The following COL18A1 variants were observed in gnomAD, a reference collection of about 807,000 sequenced individuals.
COL18A1 encodes the protein collagen type XVIII alpha 1 chain.
A neutral mutation model predicts 168.0 loss-of-function variants in COL18A1; 133 were observed. That is an observed-to-expected ratio of 0.79 (90% CI 0.69 to 0.91). The LOEUF (loss-of-function observed/expected upper bound fraction) is 0.91. Among genes scored for constraint, COL18A1 ranks in the 40% least tolerant of loss-of-function variants. COL18A1 has a pLI of 0.00. For synonymous variants in COL18A1, 949 were observed against 809.0 expected (o/e 1.17, Z -2.94); for missense variants, 2,126 against 1,925.4 (o/e 1.10, Z -1.95).
intron 2 of COL18A1, chr21:45,424,626 A>C (rs1483668906): frequency 6.6e-6 from 1 of 152,176 alleles, no homozygotes; most frequent in Non-Finnish European, 1.5e-5. Context: ...GCAGCCTCCA[A>C]TCCCTGGTCA....
chr21:45,433,004 A>G (rs557120806), intron 2 of COL18A1, among the ~76,000 whole-genome samples: 3 of 152,376 alleles, frequency 2.0e-5, no homozygotes, highest in South Asian at 4.1e-4. Context: ...TAGAATAAGT[A>G]TGAGAAACCC....
intron 4 of COL18A1, among the ~76,000 whole-genome samples, chr21:45,475,011 CAG>C (rs957742133): frequency 7.2e-5 from 11 of 152,312 alleles, no homozygotes; most frequent in African/African-American, 2.6e-4. Flanking sequence ...GTCTTGCCCT[CAG>C]GGGTCAGTAG....
rs2230688 is a variant in COL18A1 at position 45,476,398 on chromosome 21, G to T, written c.846G>T (p.Thr282=). ...PRLPAPPPVT[T]PPLAGGSSTE... ...TCCCCGCGCCACCCCCCGTCACCAC[G>T]CCACCCTTGGCTGGAGGCAGCAGCA... Residue 282 remains threonine (T), a synonymous_variant, in exon 6 of 42, where the codon ACG becomes ACT. Coordinates refer to ENST00000651438, the MANE Select transcript of COL18A1 (RefSeq NM_001379500.1). The T allele has an allele frequency of 0.12, 195,527 of 1,613,426 alleles. 15,414 individuals carry two copies. Among genetic ancestry groups the T allele is most frequent in the African/African-American group, 0.34 (25,482 of 74,868 alleles).
chr21:45,456,685 C>T (rs746134933), intron 2 of COL18A1: 27 of 1,532,118 alleles, frequency 1.8e-5, no homozygotes, highest in African/African-American at 2.7e-5. Context: ...ACCCCTTCCT[C>T]GCCTGGTTCT....
chr21:45,428,693 G>A (rs2033873867), intron 2 of COL18A1, among the ~76,000 whole-genome samples: 1 of 152,114 alleles, frequency 6.6e-6, no homozygotes, highest in Non-Finnish European at 1.5e-5. Flanking sequence ...GGACGTTCAT[G>A]CAGGTGGTTC....
chr21:45,483,972 C>T (rs561637544), intron 15 of COL18A1, among the ~76,000 whole-genome samples: 5 of 145,910 alleles, frequency 3.4e-5, no homozygotes, highest in African/African-American at 1.3e-4. Flanking sequence ...TGCACACACA[C>T]ACCTCTCCAG....
At chr21:45,446,677 T>C (rs1048131076) in intron 2 of COL18A1, among the ~76,000 whole-genome samples, 3 of 152,196 alleles carry the variant, frequency 2.0e-5, no homozygotes, top group Admixed American at 2.0e-4. Context: ...TCTGATACCA[T>C]AATCAGACAA....
In COL18A1 at chr21:45,494,591, T is replaced by C; in HGVS notation, c.2379+20T>C. 1 of 1,613,026 alleles carries C rather than the reference T, an allele frequency of 6.2e-7. No individual in the cohort carries two copies. The highest frequency in any genetic ancestry group is 2.2e-5 in the East Asian group (1 of 44,880). ...CCCCCGGTAAGTCGGTCCCTGGCTT[T>C]CTCTGCACTGAGCTCGGGCATGACG... On this transcript the variant is annotated intron_variant, in intron 27 of 41. Coordinates refer to ENST00000651438, the MANE Select transcript of COL18A1 (RefSeq NM_001379500.1).
At chr21:45,505,492 C>T in intron 36 of COL18A1, 61 bp downstream of exon 36, 1 of 887,148 alleles carries the variant, frequency 1.1e-6, no homozygotes, top group Non-Finnish European at 1.8e-6. Context: ...TTCTGCAGCC[C>T]CTGCCCCTCA....
At chr21:45,447,592 C>A (rs2034531761) in intron 2 of COL18A1, among the ~76,000 whole-genome samples, 1 of 152,148 alleles carries the variant, frequency 6.6e-6, no homozygotes, top group Non-Finnish European at 1.5e-5. Flanking sequence ...AGAGTCCACA[C>A]AACTCCTGCC....
At chr21:45,469,034 C>T (rs1568893823) in intron 3 of COL18A1, among the ~76,000 whole-genome samples, 1 of 152,244 alleles carries the variant, frequency 6.6e-6, no homozygotes, top group Non-Finnish European at 1.5e-5. Flanking sequence ...TCTCTGGCTC[C>T]TGCGCCCCCA....
At chr21:45,491,684 G>C (rs964213768) in intron 22 of COL18A1, among the ~76,000 whole-genome samples, 1 of 152,232 alleles carries the variant, frequency 6.6e-6, no homozygotes, top group African/African-American at 2.4e-5. Context: ...CTCTGGTGAA[G>C]GTTGTGTTGG....
At position 45,473,778 on chromosome 21, in the gene COL18A1, C is replaced by T; in HGVS notation, c.652-117C>T. 1.2e-6 allele frequency: 1 copy of T among 852,048 alleles called. No homozygotes were observed. The highest frequency in any genetic ancestry group is 1.9e-6 in the Non-Finnish European group (1 of 520,790). 52.8% of individuals were successfully genotyped at this position (852,048 alleles called of 1,614,324 possible). On this transcript the variant is annotated intron_variant, in intron 3 of 41. Transcript: ENST00000651438. The surrounding 1 kb of genome is among the most constrained non-coding windows in gnomAD (Gnocchi z 4.0). ...CAGGGAGGCTGCCCGAGACCCCTTC[C>T]CTCTCCGAGACTCTCCTGCCCTTTG...
intron 2 of COL18A1, among the ~76,000 whole-genome samples, chr21:45,433,259 T>G (rs1463744349): frequency 6.6e-6 from 1 of 152,262 alleles, no homozygotes; most frequent in African/African-American, 2.4e-5. Context: ...TAGTTCAATC[T>G]TTCCACTTAC....
At chr21:45,505,776 C>A (rs892194734) in intron 36 of COL18A1, 62 bp from the exon 37 acceptor site, 9 of 1,278,060 alleles carry the variant, frequency 7.0e-6, no homozygotes, top group Non-Finnish European at 8.8e-6. Context: ...GCATTCCTTC[C>A]TTCCGCCCCT....
At chr21:45,467,474 C>T in intron 2 of COL18A1, 2 of 973,328 alleles carry the variant, frequency 2.1e-6, no homozygotes. Context: ...CGAGGGGAAT[C>T]AGCATGGGGG....
Position 45,425,314 on chromosome 21 carries a change from C to T in COL18A1, c.106+19841C>T, listed in dbSNP as rs142618296. Among the ~76,000 whole-genome samples, 8 of 152,258 alleles carry T rather than the reference C, an allele frequency of 5.3e-5. No homozygotes were observed. Among genetic ancestry groups the T allele is most frequent in the Non-Finnish European group, 1.2e-4 (8 of 68,014 alleles). On this transcript the variant is annotated intron_variant, in intron 2 of 41. Coordinates refer to ENST00000651438, the MANE Select transcript of COL18A1 (RefSeq NM_001379500.1). This position sits in a 1 kb window ranked among gnomAD's most constrained non-coding sequence, Gnocchi z 4.1. ...GTGTGCTGTGAGTGCAGTGTGACCG[C>T]GTCCACCTGTCTCCCTGGACACGCC...
chr21:45,450,480 G>GC (rs1224936610), intron 2 of COL18A1, among the ~76,000 whole-genome samples: 1 of 152,230 alleles, frequency 6.6e-6, no homozygotes, highest in Non-Finnish European at 1.5e-5. Context: ...GGGGCCTTCA[G>GC]CCCGGAAATG....
Position 45,456,195 on chromosome 21 carries a change from C to T in COL18A1, c.107-12047C>T, listed in dbSNP as rs533453650. ...TCTTCAGGTAGAGCTTCTCTCTCCT[C>T]CTTGCTGGGCGGGGCCCCTCCCTGG... On this transcript the variant is annotated intron_variant, in intron 2 of 41. Coordinates refer to ENST00000651438, the MANE Select transcript of COL18A1 (RefSeq NM_001379500.1). The T allele has an allele frequency of 9.4e-6, 15 of 1,602,096 alleles. No individual in the cohort carries two copies. The South Asian group carries it at 1.2e-4, about 13-fold the overall frequency.
Sources: allele counts gnomAD v4.1 joint callset (sites outside exome capture counted in the v4.1 genomes callset), GRCh38; gene constraint gnomAD v4.1.1; non-coding constraint Gnocchi (gnomAD v3.1); transcripts MANE v1.5; gene names NCBI Gene and HGNC (gene_info 2026-07-23, HGNC 2026-07-21).